The following IRF2 variants were observed in gnomAD, a reference collection of about 807,000 sequenced individuals.
IRF2 encodes the protein interferon regulatory factor 2.
Under a neutral mutation model 40.6 loss-of-function variants are expected in IRF2, and 15 were observed. The observed-to-expected ratio is 0.37, with a 90% CI of 0.25 to 0.57. IRF2 has a LOEUF of 0.57. Among genes scored for constraint, IRF2 ranks in the 20% least tolerant of loss-of-function variants. The probability of loss-of-function intolerance (pLI) is 0.77; values close to 1 mark genes in which losing one functional copy is unlikely to be tolerated. For synonymous variants in IRF2, 151 were observed against 165.5 expected, an observed-to-expected ratio of 0.91 and a Z score of 0.67; for missense variants, 317 against 455.7, an observed-to-expected ratio of 0.70 and a Z score of 2.77.
chr4:184,468,067 C>T (rs1739390309), intron 1 of IRF2, among the ~76,000 whole-genome samples: 1 of 152,164 alleles, frequency 6.6e-6, no homozygotes, highest in African/African-American at 2.4e-5. Flanking sequence ...GAAGGGAATA[C>T]TAAACTGATA....
intron 5 of IRF2, among the ~76,000 whole-genome samples, chr4:184,409,146 C>T (rs1736978732): frequency 1.3e-5 from 2 of 152,094 alleles, no homozygotes; most frequent in Non-Finnish European, 2.9e-5. Context: ...CCACACAGGA[C>T]AACACCCAAG....
At chr4:184,389,470 G>C (rs1736175449) in intron 8 of IRF2, among the ~76,000 whole-genome samples, 1 of 152,192 alleles carries the variant, frequency 6.6e-6, no homozygotes, top group Non-Finnish European at 1.5e-5. Flanking sequence ...TCGTTCCCAT[G>C]TGTTGGTGCT....
At chr4:184,428,037 T>C (rs1266716243) in intron 2 of IRF2, among the ~76,000 whole-genome samples, 1 of 152,234 alleles carries the variant, frequency 6.6e-6, no homozygotes, top group Non-Finnish European at 1.5e-5. Flanking sequence ...CTAGAAGTTT[T>C]TCATTTTTGC....
At chr4:184,455,249 C>CCCCCCCCCCCT (rs1554017261) in intron 1 of IRF2, among the ~76,000 whole-genome samples, 22 of 56,296 alleles carry the variant, frequency 3.9e-4, no homozygotes, top group South Asian at 1.9e-3. Flanking sequence ...TTCCTCCCCT[C>CCCCCCCCCCCT]CCCTCCCCCT....
intron 1 of IRF2, among the ~76,000 whole-genome samples, chr4:184,440,820 G>T (rs1738277774): frequency 1.3e-5 from 2 of 152,150 alleles, no homozygotes; most frequent in South Asian, 2.1e-4. Flanking sequence ...GACTAGATGG[G>T]TGGGAGTGCC....
intron 6 of IRF2, among the ~76,000 whole-genome samples, chr4:184,401,258 T>C (rs1460977883): frequency 6.6e-6 from 1 of 152,228 alleles, no homozygotes; most frequent in East Asian, 1.9e-4. Flanking sequence ...CCTGTTTTAA[T>C]TGCTGTCTGT....
intron 7 of IRF2, among the ~76,000 whole-genome samples, chr4:184,395,578 T>G (rs1037186593): frequency 2.9e-4 from 44 of 152,202 alleles, no homozygotes; most frequent in Admixed American, 1.9e-3. Flanking sequence ...CCTGACAGCA[T>G]GTTATACAAT....
chr4:184,433,764 T>TC lies in IRF2; in HGVS notation c.-6-4695dup, dbSNP rs1394199166. Among the ~76,000 whole-genome samples the TC allele has an allele frequency of 5.3e-5, 8 of 152,242 alleles. No homozygotes were observed. In the South Asian group the frequency reaches 1.7e-3, roughly 32 times the overall value. ...CTTCTCCTTTGTGACTTGATTTTTC[T>TC]CCCCTGACCCATCTCCCACGCCCTG... On this transcript the variant is annotated intron_variant, in intron 1 of 8. Coordinates refer to ENST00000393593, the MANE Select transcript of IRF2 (RefSeq NM_002199.4).
At chr4:184,433,450 G>A (rs927475874) in intron 1 of IRF2, among the ~76,000 whole-genome samples, 1 of 152,198 alleles carries the variant, frequency 6.6e-6, no homozygotes, top group Non-Finnish European at 1.5e-5. Flanking sequence ...CCGGCTGGGT[G>A]CATTCCTCAC....
intron 1 of IRF2, among the ~76,000 whole-genome samples, chr4:184,449,843 T>C (rs1314132140): frequency 1.3e-5 from 2 of 152,222 alleles, no homozygotes; most frequent in African/African-American, 2.4e-5. Context: ...AACTATGGTA[T>C]GTGGTTAGTA....
At chr4:184,451,387 G>C (rs936222850) in intron 1 of IRF2, among the ~76,000 whole-genome samples, 3 of 152,184 alleles carry the variant, frequency 2.0e-5, no homozygotes, top group Non-Finnish European at 4.4e-5. Context: ...GGGATTGTGA[G>C]AGCAATGACT....
rs1249726033 is a variant in IRF2 at position 184,388,871 on chromosome 4, G to A, written c.937C>T (p.Leu313Phe). ...GATGCTGGGGTCATGGAGGAAGAAA[G>A]GGGGAGGTCTTGAAAAGGGGGCCAG... ...SSWPPFQDLP[L>F]SSSMTPASSS... The change falls in exon 9 of 9, where the codon CTT becomes TTT. Residue 313 changes from leucine to phenylalanine, a missense_variant. Around this residue, in one of 2 missense-constraint regions of IRF2, gnomAD observed 262 missense variants for 334.0 expected, o/e 0.78. Coordinates refer to ENST00000393593, the MANE Select transcript of IRF2 (RefSeq NM_002199.4). The surrounding 1 kb of genome is among the most constrained non-coding windows in gnomAD (Gnocchi z 4.6). 14 of 1,614,106 alleles carry A rather than the reference G, an allele frequency of 8.7e-6. No individual in the cohort carries two copies. The highest frequency in any genetic ancestry group is 1.2e-5 in the Non-Finnish European group (14 of 1,180,026).
chr4:184,447,720 C>A (rs1396429613), intron 1 of IRF2, among the ~76,000 whole-genome samples: 3 of 152,206 alleles, frequency 2.0e-5, no homozygotes, highest in Non-Finnish European at 4.4e-5. Flanking sequence ...CCGTGATATT[C>A]TTGTAAGAAA....
chr4:184,439,007 G>A (rs1262525474), intron 1 of IRF2, among the ~76,000 whole-genome samples: 1 of 152,184 alleles, frequency 6.6e-6, no homozygotes, highest in South Asian at 2.1e-4. Context: ...TTTGGATGGA[G>A]GGCTAGATAC....
At chr4:184,463,090 C>G (rs955566824) in intron 1 of IRF2, among the ~76,000 whole-genome samples, 1 of 152,220 alleles carries the variant, frequency 6.6e-6, no homozygotes, top group Non-Finnish European at 1.5e-5. Flanking sequence ...TTCATCTCAT[C>G]AAGATGCAGA....
chr4:184,427,203 C>T (rs1737704625), intron 2 of IRF2, among the ~76,000 whole-genome samples: 1 of 152,210 alleles, frequency 6.6e-6, no homozygotes, highest in Admixed American at 6.5e-5. Flanking sequence ...ATCTAAAACA[C>T]TATAGATAGA....
chr4:184,461,586 C>T (rs949447354), intron 1 of IRF2, among the ~76,000 whole-genome samples: 2 of 152,170 alleles, frequency 1.3e-5, no homozygotes, highest in African/African-American at 4.8e-5. Flanking sequence ...CCTCCCTCTA[C>T]ATATCGTTAG....
intron 1 of IRF2, among the ~76,000 whole-genome samples, chr4:184,461,802 A>C (rs1000434244): frequency 6.6e-6 from 1 of 151,688 alleles, no homozygotes; most frequent in Admixed American, 6.6e-5. Context: ...CTCTCCTGTA[A>C]CATTTTCAAT....
At chr4:184,428,870 T>C (rs1317907876) in intron 2 of IRF2, 108 bp downstream of exon 2, 11 of 902,514 alleles carry the variant, frequency 1.2e-5, no homozygotes, top group East Asian at 9.8e-5. Context: ...GTTTTTGTCA[T>C]GAATAAGCCT....
Sources: gnomAD v4.1 joint callset for allele counts (sites outside exome capture counted in the v4.1 genomes callset) on GRCh38, gnomAD v4.1.1 for gene constraint, gnomAD v4.1.1 regional missense constraint, Gnocchi (gnomAD v3.1) non-coding constraint, MANE v1.5 for transcripts, NCBI Gene and HGNC (gene_info 2026-07-23, HGNC 2026-07-21) for gene names.